LRBA: variants seen among roughly 807,000 people sequenced by gnomAD.
LRBA encodes LPS responsive beige-like anchor protein, also known as lipopolysaccharide-responsive and beige-like anchor protein.
In LRBA, 176 loss-of-function variants were observed where a neutral mutation model predicts 330.0. That is an observed-to-expected ratio of 0.53 (90% CI 0.47 to 0.60). LRBA has a LOEUF of 0.60. LRBA is among the 20% of genes least tolerant of loss of function. LRBA has a pLI of 0.00. For synonymous variants in LRBA, 1,230 were observed against 1,193.0 expected (o/e 1.03, Z -0.64); for missense variants, 3,259 against 3,444.8 (o/e 0.95, Z 1.35).
At chr4:150,517,604 C>T (rs1007697550) in intron 40 of LRBA, among the ~76,000 whole-genome samples, 12 of 152,124 alleles carry the variant, frequency 7.9e-5, no homozygotes, top group Admixed American at 2.0e-4. Flanking sequence ...AAACAGGATG[C>T]ATAAAAGTAA....
In LRBA at chr4:150,596,408, T is replaced by C. The variant is rs181706762; in HGVS notation, c.6046+2599A>G. On this transcript the variant is annotated intron_variant, in intron 38 of 56. Transcript: ENST00000651943. The stretch of plus-strand genomic sequence containing the variant: ...ATCTCCAATGGCACTTCTATTTAGA[T>C]GTCTTCCTTTGATAATGATAATATA... Among the ~76,000 whole-genome samples, 9 of 152,080 alleles carry C rather than the reference T, an allele frequency of 5.9e-5. No individual in the cohort carries two copies. The East Asian group carries it at 1.2e-3, about 20-fold the overall frequency.
At chr4:150,307,940 A>T (rs1351168833) in intron 52 of LRBA, among the ~76,000 whole-genome samples, 1 of 152,188 alleles carries the variant, frequency 6.6e-6, no homozygotes, top group Non-Finnish European at 1.5e-5. Context: ...CATCAATTCC[A>T]TATAACAAAC....
At chr4:150,440,027 G>A (rs375348403) in intron 44 of LRBA, among the ~76,000 whole-genome samples, 8 of 152,054 alleles carry the variant, frequency 5.3e-5, no homozygotes, top group Non-Finnish European at 7.4e-5. Context: ...AAATGCTGAC[G>A]GATCCTCTTA....
chr4:150,329,925 A>G (rs948250612), intron 48 of LRBA, among the ~76,000 whole-genome samples: 3 of 152,078 alleles, frequency 2.0e-5, no homozygotes, highest in African/African-American at 7.2e-5. Flanking sequence ...GGCCCCTTAT[A>G]ATTTCAAGTA....
rs188182172 is a variant in LRBA at position 150,511,271 on chromosome 4, A to C, written c.6331-20236T>G. On this transcript the variant is annotated intron_variant, in intron 40 of 56. Coordinates refer to ENST00000651943, the MANE Select transcript of LRBA (RefSeq NM_001364905.1). ...CAGAGCCATAAACACCATGTAAGCC[A>C]AACAAAAACTTAGTTATGCTAAATA... is the stretch of plus-strand genomic sequence containing the variant. Among the ~76,000 whole-genome samples the C allele has an allele frequency of 7.9e-5, 12 of 152,318 alleles. No homozygotes were observed. The East Asian group carries it at 2.3e-3, about 29-fold the overall frequency.
intron 46 of LRBA, among the ~76,000 whole-genome samples, chr4:150,416,709 T>G (rs898688276): frequency 2.0e-5 from 3 of 151,684 alleles, no homozygotes; most frequent in Non-Finnish European, 4.4e-5. Flanking sequence ...AATTTTAAGA[T>G]TCTCATCTTC....
intron 44 of LRBA, among the ~76,000 whole-genome samples, chr4:150,438,146 C>A (rs956086988): frequency 6.6e-6 from 1 of 152,018 alleles, no homozygotes; most frequent in African/African-American, 2.4e-5. Flanking sequence ...TGTTAAGTAC[C>A]CACTCACTGA....
chr4:150,489,264 GAA>G (rs1561250397), intron 41 of LRBA, among the ~76,000 whole-genome samples: 4 of 53,248 alleles, frequency 7.5e-5, no homozygotes, highest in Non-Finnish European at 9.1e-5. Context: ...TTATATATAA[GAA>G]TATATAATAT....
At chr4:150,773,944 T>C (rs1736920220) in intron 34 of LRBA, among the ~76,000 whole-genome samples, 1 of 152,164 alleles carries the variant, frequency 6.6e-6, no homozygotes. Context: ...TCTGATTATT[T>C]CCTTTTCCCC....
In LRBA at chr4:150,325,686, A is replaced by T. The variant is rs1733147562; in HGVS notation, c.7452+123T>A. ...CTGCTGGTTGTTAGCAGGTTAACAA[A>T]TATTGCATAAAAAAACAAACCCACA... On this transcript the variant is annotated intron_variant, in intron 49 of 56. Coordinates refer to ENST00000651943, the MANE Select transcript of LRBA (RefSeq NM_001364905.1). The T allele has an allele frequency of 6.0e-6, 4 of 668,742 alleles. No homozygotes were observed. The South Asian group carries it at 7.3e-5, about 12-fold the overall frequency. 41.4% of individuals were successfully genotyped at this position (668,742 alleles called of 1,614,324 possible).
At position 150,806,868 on chromosome 4, in the gene LRBA, C is replaced by CT. The variant is rs577922532; in HGVS notation, c.5385-465dup. Among the ~76,000 whole-genome samples the CT allele has an allele frequency of 7.1e-3, 1,084 of 151,962 alleles. 116 individuals carry two copies. In the South Asian group the frequency reaches 0.21, roughly 30 times the overall value. ...TGCTTATAAATTATAAAAAGCAGTT[C>CT]TTTTTTATTGAAGTCAATTATTCCT... On this transcript the variant is annotated intron_variant, in intron 32 of 56. Transcript: ENST00000651943.
At chr4:150,465,169 C>T (rs200570848) in intron 44 of LRBA, among the ~76,000 whole-genome samples, 1 of 152,108 alleles carries the variant, frequency 6.6e-6, no homozygotes, top group East Asian at 1.9e-4. Context: ...CTTTTTGGGA[C>T]TGGCTTATTT....
chr4:150,762,471 C>T (rs924578436), intron 34 of LRBA, among the ~76,000 whole-genome samples: 8 of 151,738 alleles, frequency 5.3e-5, no homozygotes, highest in African/African-American at 1.7e-4. Context: ...ATTAAAAAGC[C>T]TAGGAATGAA....
At chr4:150,657,357 T>G (rs1279331516) in intron 37 of LRBA, among the ~76,000 whole-genome samples, 1 of 152,164 alleles carries the variant, frequency 6.6e-6, no homozygotes, top group Non-Finnish European at 1.5e-5. Flanking sequence ...TAATAACCTC[T>G]AGGGGTTACC....
At chr4:150,814,837 A>G (rs2126756116) in intron 31 of LRBA, among the ~76,000 whole-genome samples, 1 of 152,132 alleles carries the variant, frequency 6.6e-6, no homozygotes, top group Non-Finnish European at 1.5e-5. Context: ...TCAAGATAGC[A>G]AATTGTTTTA....
intron 47 of LRBA, among the ~76,000 whole-genome samples, chr4:150,392,954 C>G (rs1026906248): frequency 1.3e-5 from 2 of 151,222 alleles, no homozygotes; most frequent in Non-Finnish European, 2.9e-5. Flanking sequence ...CACCATGGCA[C>G]ATGTATACCT....
At chr4:150,292,956 C>G (rs1252627052) in intron 53 of LRBA, among the ~76,000 whole-genome samples, 1 of 151,894 alleles carries the variant, frequency 6.6e-6, no homozygotes, top group Admixed American at 6.6e-5. Flanking sequence ...ATCATCTGAA[C>G]TTTTATAGAG....
At chr4:150,342,838 C>G (rs969631907) in intron 48 of LRBA, among the ~76,000 whole-genome samples, 33 of 151,966 alleles carry the variant, frequency 2.2e-4, no homozygotes, top group African/African-American at 7.7e-4. Context: ...TAGAAGTGAA[C>G]AGAAATAAGT....
At chr4:150,325,774 A>G (rs1733162785) in intron 49 of LRBA, 35 bp downstream of exon 49, 12 of 1,344,838 alleles carry the variant, frequency 8.9e-6, no homozygotes, top group African/African-American at 1.4e-5. Context: ...TCTGAAGGAG[A>G]GGCAAGAAAT....
Sources: allele counts gnomAD v4.1 joint callset (sites outside exome capture counted in the v4.1 genomes callset), GRCh38; gene constraint gnomAD v4.1.1; transcripts MANE v1.5; gene names NCBI Gene and HGNC (gene_info 2026-07-23, HGNC 2026-07-21).